The following ARSB variants were observed in gnomAD, a reference collection of about 807,000 sequenced individuals.
ARSB encodes N-acetylgalactosamine-4-sulfatase.
In ARSB, 41 loss-of-function variants were observed where a neutral mutation model predicts 50.9. That is an observed-to-expected ratio of 0.81 (90% CI 0.63 to 1.04). The LOEUF (loss-of-function observed/expected upper bound fraction) is 1.04, where lower values mean the gene tolerates loss of function less well. ARSB is among the 50% of genes least tolerant of loss of function. The pLI is 0.00. For synonymous variants in ARSB, 269 were observed against 284.8 expected (o/e 0.94, Z 0.56); for missense variants, 672 against 693.3 (o/e 0.97, Z 0.35).
chr5:78,879,749 A>G (rs1276364041), intron 5 of ARSB, among the ~76,000 whole-genome samples: 1 of 152,264 alleles, frequency 6.6e-6, no homozygotes, highest in African/African-American at 2.4e-5. Flanking sequence ...TTTCTGTATC[A>G]GCAGGCAGGG....
At chr5:78,873,717 G>C (rs949397789) in intron 5 of ARSB, among the ~76,000 whole-genome samples, 13 of 151,542 alleles carry the variant, frequency 8.6e-5, no homozygotes, top group South Asian at 2.1e-4. Flanking sequence ...GGATGGTCTC[G>C]ATCTCCTGAC....
At chr5:78,898,542 TA>T (rs934009812) in intron 4 of ARSB, among the ~76,000 whole-genome samples, 2 of 152,166 alleles carry the variant, frequency 1.3e-5, no homozygotes, top group Non-Finnish European at 2.9e-5. Flanking sequence ...TAGCTTTATA[TA>T]AAAAAACATA....
intron 6 of ARSB, among the ~76,000 whole-genome samples, chr5:78,814,925 T>C (rs1230390891): frequency 6.6e-6 from 1 of 150,588 alleles, no homozygotes; most frequent in Non-Finnish European, 1.5e-5. Flanking sequence ...AGGACCCCTG[T>C]ATACAAGGAC....
At chr5:78,931,712 A>G (rs1170639670) in intron 4 of ARSB, among the ~76,000 whole-genome samples, 1 of 151,924 alleles carries the variant, frequency 6.6e-6, no homozygotes. Flanking sequence ...TCTTTGGCAA[A>G]TATAGTTTGT....
intron 6 of ARSB, among the ~76,000 whole-genome samples, chr5:78,808,129 T>A (rs1348809625): frequency 1.5e-5 from 2 of 137,386 alleles, no homozygotes; most frequent in East Asian, 4.2e-4. Context: ...CACCTTGCCA[T>A]GAAAAATGTC....
intron 4 of ARSB, among the ~76,000 whole-genome samples, chr5:78,900,067 C>A (rs1748733403): frequency 6.6e-6 from 1 of 151,888 alleles, no homozygotes; most frequent in Admixed American, 6.6e-5. Context: ...TGCAGTGCTG[C>A]CTGTCCCAAA....
Position 78,858,872 on chromosome 5 carries a change from C to T in ARSB, c.1143-19446G>A, listed in dbSNP as rs954764503. Reference sequence around the variant, plus strand: ...GTGCTAAATGTTTCAAACACACTCTCTCACTAAATCCTCACATAGGTGTCT... The same window carrying T: ...GTGCTAAATGTTTCAAACACACTCTTTCACTAAATCCTCACATAGGTGTCT... On this transcript the variant is annotated intron_variant, in intron 5 of 7. Transcript: ENST00000264914. Among the ~76,000 whole-genome samples the T allele has an allele frequency of 5.3e-5, 8 of 152,192 alleles. No homozygotes were observed. The South Asian group carries it at 1.4e-3, about 28-fold the overall frequency.
chr5:78,962,630 C>T (rs1752042014), intron 3 of ARSB, among the ~76,000 whole-genome samples: 1 of 149,754 alleles, frequency 6.7e-6, no homozygotes, highest in Admixed American at 6.7e-5. Flanking sequence ...CGGGTTCACG[C>T]CATTCTCCTG....
At chr5:78,922,239 C>A (rs967004027) in intron 4 of ARSB, among the ~76,000 whole-genome samples, 12 of 151,872 alleles carry the variant, frequency 7.9e-5, no homozygotes, top group African/African-American at 2.7e-4. Context: ...TACTGAGACA[C>A]CAGCTAGGAT....
chr5:78,856,620 C>T (rs1421666557), intron 5 of ARSB, among the ~76,000 whole-genome samples: 1 of 152,158 alleles, frequency 6.6e-6, no homozygotes, highest in Non-Finnish European at 1.5e-5. Context: ...TGTGATCTTG[C>T]AGAATAAACA....
chr5:78,983,645 G>A (rs1438136058), intron 1 of ARSB, among the ~76,000 whole-genome samples: 1 of 152,128 alleles, frequency 6.6e-6, no homozygotes, highest in Non-Finnish European at 1.5e-5. Flanking sequence ...AAGGTGGATG[G>A]TGAAGGGAAG....
intron 4 of ARSB, among the ~76,000 whole-genome samples, chr5:78,928,941 A>G (rs1750189478): frequency 6.6e-6 from 1 of 152,068 alleles, no homozygotes; most frequent in Admixed American, 6.6e-5. Flanking sequence ...ACATGCTCAG[A>G]ACACACCTTC....
At chr5:78,956,620 C>A (rs1375177826) in intron 3 of ARSB, among the ~76,000 whole-genome samples, 1 of 151,976 alleles carries the variant, frequency 6.6e-6, no homozygotes. Flanking sequence ...GGACCTAATC[C>A]AAACAAATAA....
chr5:78,983,078 G>A (rs537955225), intron 1 of ARSB, among the ~76,000 whole-genome samples: 2 of 152,282 alleles, frequency 1.3e-5, no homozygotes, highest in South Asian at 4.1e-4. Context: ...TTTTGAGATG[G>A]AGTCTTGCTC....
chr5:78,851,112 T>G (rs187013378), intron 5 of ARSB, among the ~76,000 whole-genome samples: 176 of 152,358 alleles, frequency 1.2e-3, no homozygotes, highest in African/African-American at 4.0e-3. Flanking sequence ...CTTTTGAATG[T>G]GTTTGCTCTT....
At chr5:78,866,588 G>A (rs1746752665) in intron 5 of ARSB, among the ~76,000 whole-genome samples, 2 of 152,216 alleles carry the variant, frequency 1.3e-5, no homozygotes, top group Non-Finnish European at 2.9e-5. Flanking sequence ...TGGCTAGTGG[G>A]GAGTCAAAAG....
At chr5:78,808,879 C>G (rs915797887) in intron 6 of ARSB, among the ~76,000 whole-genome samples, 1 of 152,122 alleles carries the variant, frequency 6.6e-6, no homozygotes, top group Non-Finnish European at 1.5e-5. Context: ...TTGCTGGACA[C>G]GGGGTGTCTA....
intron 6 of ARSB, among the ~76,000 whole-genome samples, chr5:78,835,179 ATCTTT>A: frequency 6.6e-6 from 1 of 151,972 alleles, no homozygotes; most frequent in Non-Finnish European, 1.5e-5. Context: ...TTTTGTGCCG[ATCTTT>A]GAGTATTTTT....
chr5:78,968,410 T>C (rs1342732165), intron 2 of ARSB, among the ~76,000 whole-genome samples: 4 of 151,384 alleles, frequency 2.6e-5, no homozygotes, highest in Non-Finnish European at 5.9e-5. Flanking sequence ...TGCAGTGGCA[T>C]GATCTCGGCT....
Sources: gnomAD v4.1 joint callset for allele counts (sites outside exome capture counted in the v4.1 genomes callset) on GRCh38, gnomAD v4.1.1 for gene constraint, MANE v1.5 for transcripts, NCBI Gene and HGNC (gene_info 2026-07-23, HGNC 2026-07-21) for gene names.